Variants in ANGPTL4 observed in about 807,000 individuals in gnomAD.
ANGPTL4 encodes the protein angiopoietin-related protein 4.
A neutral mutation model predicts 39.2 loss-of-function variants in ANGPTL4; 39 were observed. The observed-to-expected ratio is 1.00, with a 90% confidence interval of 0.77 to 1.30. The LOEUF (loss-of-function observed/expected upper bound fraction) is 1.30, where lower values mean the gene tolerates loss of function less well. Ranked by LOEUF, ANGPTL4 falls within the 50% of genes most tolerant of loss-of-function variation. The pLI, the probability that ANGPTL4 is intolerant of heterozygous loss-of-function variation, is 0.00. For missense variants in ANGPTL4, 545 were observed against 549.8 expected, an observed-to-expected ratio of 0.99 and a Z score of 0.09; for synonymous variants, 233 against 229.5, an observed-to-expected ratio of 1.02 and a Z score of -0.14.
intron 6 of ANGPTL4, among the ~76,000 whole-genome samples, chr19:8,372,884 A>C (rs1971151854): frequency 6.6e-6 from 1 of 152,048 alleles, no homozygotes; most frequent in African/African-American, 2.4e-5. Context: ...TTGAGCCCGT[A>C]AGGTTGACGC....
Position 8,364,594 on chromosome 19 carries a change from A to C in ANGPTL4, c.273A>C (p.Leu91Phe). ...CCGAGGGGTCCACCGACCTCCCGTT[A>C]GCCCCTGAGAGCCGGGTGGACCCTG... Reference protein sequence around the residue: ...QGTEGSTDLPLAPESRVDPEV... With the variant: ...QGTEGSTDLPFAPESRVDPEV... The change falls in exon 1 of 7, where the codon TTA (leucine) becomes TTC (phenylalanine). Residue 91 changes from leucine to phenylalanine, a missense_variant. Coordinates refer to ENST00000301455, the MANE Select transcript of ANGPTL4 (RefSeq NM_139314.3). 1.3e-6 allele frequency: 2 copies of C among 1,592,314 alleles called. No homozygotes were observed. Among genetic ancestry groups the C allele is most frequent in the Non-Finnish European group, 1.7e-6 (2 of 1,170,714 alleles).
At chr19:8,370,783 ACCCAGTTCAGCTGG>A (rs1484492778) in intron 4 of ANGPTL4, among the ~76,000 whole-genome samples, 1 of 150,618 alleles carries the variant, frequency 6.6e-6, no homozygotes, top group Admixed American at 6.6e-5. Flanking sequence ...ACGGGGTTTT[ACCCAGTTCAGCTGG>A]CCCAGAGAGG....
intron 6 of ANGPTL4, among the ~76,000 whole-genome samples, chr19:8,372,392 CTTTT>C (rs34408253): frequency 9.1e-6 from 1 of 110,324 alleles, no homozygotes. Flanking sequence ...CCACAGGATT[CTTTT>C]TTTTTTTTTT....
intron 3 of ANGPTL4, among the ~76,000 whole-genome samples, chr19:8,368,694 C>G (rs1971054130): frequency 6.6e-6 from 1 of 152,084 alleles, no homozygotes; most frequent in South Asian, 2.1e-4. Flanking sequence ...CCCGTCTCTA[C>G]AAATAATGCA....
At chr19:8,365,671 G>A (rs914905099) in intron 1 of ANGPTL4, among the ~76,000 whole-genome samples, 1 of 151,630 alleles carries the variant, frequency 6.6e-6, no homozygotes, top group African/African-American at 2.4e-5. Context: ...TAAAAAATAA[G>A]CCAGGCATAG....
chr19:8,374,321 T>C lies in ANGPTL4; in HGVS notation c.*435T>C, dbSNP rs78044657. The C allele has an allele frequency of 0.015, 2,699 of 185,906 alleles. 81 individuals carry two copies. Among genetic ancestry groups the C allele is most frequent in the African/African-American group, 0.059 (2,521 of 42,436 alleles). The allele number at this position is 185,906 out of a possible 1,614,324, so 11.5% of individuals were successfully genotyped here. A position where few individuals can be genotyped will look rare whatever the true frequency, so the allele number is the denominator to read the frequency against. Reference sequence around the variant, plus strand: ...TGGGGACACAAGCAGGCGCCAATGGTATCTGGGCGGAGCTCACAGAGTTCT... The same window carrying C: ...TGGGGACACAAGCAGGCGCCAATGGCATCTGGGCGGAGCTCACAGAGTTCT... On this transcript the variant is annotated 3_prime_UTR_variant, in exon 7 of 7. Transcript: ENST00000301455.
Position 8,371,121 on chromosome 19 carries a change from G to T in ANGPTL4, c.727G>T (p.Ala243Ser). 6.2e-7 allele frequency: 1 copy of T among 1,612,762 alleles called. No individual in the cohort carries two copies. Residue 243 changes from alanine to serine, a missense_variant, in exon 5 of 7, where the codon GCC (alanine) becomes TCC (serine). Coordinates refer to ENST00000301455, the MANE Select transcript of ANGPTL4 (RefSeq NM_139314.3). This position sits in a 1 kb window ranked among gnomAD's most constrained non-coding sequence, Gnocchi z 5.1. ...GSVDFNRPWEAYKAGFGDPHG... is the reference protein window; with the variant it reads ...GSVDFNRPWESYKAGFGDPHG... ...AGTGGACTTCAACCGGCCCTGGGAA[G>T]CCTACAAGGCGGGGTTTGGGGATCC...
Position 8,371,418 on chromosome 19 carries a change from TG to T in ANGPTL4, c.938del (p.Gly313AlafsTer84), listed in dbSNP as rs747940485. 325 of 1,613,250 alleles carry T rather than the reference TG, an allele frequency of 2.0e-4. 1 individual carries two copies. The highest frequency in any genetic ancestry group is 2.5e-4 in the Non-Finnish European group (290 of 1,179,994). The part of the protein sequence containing the change: ...LQLTAPVAGQ[L>X]GATTVPPSGL... ...CTCACTGCACCCGTGGCCGGCCAGCTGGGCGCCACCACCGTCCCACCCAGCG... is the reference window on the plus strand; with the variant it reads ...CTCACTGCACCCGTGGCCGGCCAGCTGGCGCCACCACCGTCCCACCCAGCG... On this transcript the variant is annotated frameshift_variant, in exon 6 of 7. Coordinates refer to ENST00000301455, the MANE Select transcript of ANGPTL4 (RefSeq NM_139314.3). LOFTEE classifies it high-confidence loss of function. This position sits in a 1 kb window ranked among gnomAD's most constrained non-coding sequence, Gnocchi z 5.1.
In ANGPTL4 at chr19:8,364,384, G is replaced by A; in HGVS notation, c.63G>A (p.Leu21=). The A allele has an allele frequency of 1.3e-6, 2 of 1,546,332 alleles. No homozygotes were observed. The highest frequency in any genetic ancestry group is 1.7e-6 in the Non-Finnish European group (2 of 1,149,420). Residue 21 remains leucine (L), a synonymous_variant, in exon 1 of 7, where the codon CTG becomes CTA. Transcript: ENST00000301455. ...LMLCAATAVL[L]SAQGGPVQSK... ...TCTGCGCCGCCACCGCCGTGCTACT[G>A]AGCGCTCAGGGCGGACCCGTGCAGT...
Position 8,364,622 on chromosome 19 carries a change from G to T in ANGPTL4, c.301G>T (p.Val101Phe), listed in dbSNP as rs557160330. The change falls in exon 1 of 7, where the codon GTC becomes TTC. Residue 101 changes from valine (V) to phenylalanine (F), a missense_variant. Val to Phe is a conservative substitution (Grantham distance 50). Transcript: ENST00000301455. Reference sequence around the variant, plus strand: ...CCCTGAGAGCCGGGTGGACCCTGAGGTCCTTCACAGCCTGCAGGTACGTGT... The same window carrying T: ...CCCTGAGAGCCGGGTGGACCCTGAGTTCCTTCACAGCCTGCAGGTACGTGT... ...LAPESRVDPE[V>F]LHSLQTQLKA... 1 of 1,591,080 alleles carries T rather than the reference G, an allele frequency of 6.3e-7. No homozygotes were observed. The highest frequency in any genetic ancestry group is 1.3e-5 in the African/African-American group (1 of 74,618).
At chr19:8,373,370 C>G (rs911107029) in intron 6 of ANGPTL4, among the ~76,000 whole-genome samples, 1 of 151,510 alleles carries the variant, frequency 6.6e-6, no homozygotes, top group Non-Finnish European at 1.5e-5. Context: ...TGCCACTGCA[C>G]TCCAGCCTGG....
chr19:8,370,919 C>G (rs1450155795), intron 4 of ANGPTL4, 137 bp from the exon 5 acceptor site: 1 of 956,898 alleles, frequency 1.0e-6, no homozygotes, highest in Non-Finnish European at 1.6e-6. Context: ...ACCCACCCTC[C>G]TCGAGTCCTC....
Position 8,373,846 on chromosome 19 carries a change from C to T in ANGPTL4, c.1181C>T (p.Thr394Ile). ...CGCTACTACCCGCTGCAGGCCACCA[C>T]CATGTTGATCCAGCCCATGGCAGCA... Reference protein sequence around the residue: ...RGRYYPLQATTMLIQPMAAEA... With the variant: ...RGRYYPLQATIMLIQPMAAEA... Residue 394 changes from threonine (T) to isoleucine (I), a missense_variant, in exon 7 of 7, where the codon ACC becomes ATC. Coordinates refer to ENST00000301455, the MANE Select transcript of ANGPTL4 (RefSeq NM_139314.3). The T allele has an allele frequency of 1.2e-6, 2 of 1,613,802 alleles. No individual in the cohort carries two copies. The highest frequency in any genetic ancestry group is 1.7e-4 in the Middle Eastern group (1 of 6,028).
At position 8,374,094 on chromosome 19, in the gene ANGPTL4, T is replaced by C. The variant is rs962560521; in HGVS notation, c.*208T>C. The C allele has an allele frequency of 3.4e-6, 2 of 595,302 alleles. No homozygotes were observed. The highest frequency in any genetic ancestry group is 3.7e-5 in the African/African-American group (2 of 53,608). 36.9% of individuals were successfully genotyped at this position (595,302 alleles called of 1,614,324 possible). A position where few individuals can be genotyped will look rare whatever the true frequency, so the allele number is the denominator to read the frequency against. On this transcript the variant is annotated 3_prime_UTR_variant, in exon 7 of 7. Coordinates refer to ENST00000301455, the MANE Select transcript of ANGPTL4 (RefSeq NM_139314.3). ...GCCTCCTGAGATCGAGGCTGCAGGA[T>C]ATGCTCAGACTCTAGAGGCGTGGAC... is the stretch of plus-strand genomic sequence containing the variant.
At chr19:8,368,311 C>G (rs1971047592) in intron 3 of ANGPTL4, among the ~76,000 whole-genome samples, 1 of 152,116 alleles carries the variant, frequency 6.6e-6, no homozygotes, top group African/African-American at 2.4e-5. Context: ...CCGGCCCATT[C>G]CTCAAGTCTT....
intron 2 of ANGPTL4, 34 bp from the exon 3 acceptor site, chr19:8,366,168 C>G: frequency 6.2e-7 from 1 of 1,610,412 alleles, no homozygotes. Flanking sequence ...TGGGGCCAGG[C>G]AGGACCTGAC....
In ANGPTL4 at chr19:8,371,667, CTT is replaced by C; in HGVS notation, c.1039+146_1039+147del. On this transcript the variant is annotated intron_variant, in intron 6 of 6. Transcript: ENST00000301455. The surrounding 1 kb of genome is among the most constrained non-coding windows in gnomAD (Gnocchi z 5.1). The stretch of plus-strand genomic sequence containing the variant: ...GCCGTGTGTGTGATTGGGCCACTAA[CTT>C]AGCCTATCTGGCCTCAGTTTTCCCA... 4 of 1,197,970 alleles carry C rather than the reference CTT, an allele frequency of 3.3e-6. No individual in the cohort carries two copies. In the South Asian group the frequency reaches 5.6e-5, roughly 17 times the overall value. The allele number at this position is 1,197,970 out of a possible 1,614,324, so 74.2% of individuals were successfully genotyped here. A position where few individuals can be genotyped will look rare whatever the true frequency, so the allele number is the denominator to read the frequency against.
chr19:8,368,148 A>G (rs1268625450), intron 3 of ANGPTL4, among the ~76,000 whole-genome samples: 1 of 150,654 alleles, frequency 6.6e-6, no homozygotes, highest in Non-Finnish European at 1.5e-5. Flanking sequence ...CCTCCTAAGG[A>G]GCTGGGATTA....
intron 6 of ANGPTL4, 48 bp from the exon 7 acceptor site, chr19:8,373,657 C>T (rs767441712): frequency 1.1e-5 from 17 of 1,612,848 alleles, no homozygotes; most frequent in Admixed American, 8.3e-5. Flanking sequence ...TCAGCCCCAT[C>T]GGTGGCTCAA....
Sources: allele counts gnomAD v4.1 joint callset (sites outside exome capture counted in the v4.1 genomes callset), GRCh38; gene constraint gnomAD v4.1.1; non-coding constraint Gnocchi (gnomAD v3.1); transcripts MANE v1.5; gene names NCBI Gene and HGNC (gene_info 2026-07-23, HGNC 2026-07-21).